FHAD1: variants seen among roughly 807,000 people sequenced by gnomAD.
The protein encoded by FHAD1 is forkhead-associated domain-containing protein 1.
Under a neutral mutation model 191.3 loss-of-function variants are expected in FHAD1, and 146 were observed. The observed-to-expected ratio is 0.76, with a 90% CI of 0.67 to 0.88. FHAD1 has a LOEUF of 0.88. Ranked by LOEUF, FHAD1 falls within the 40% of genes least tolerant of loss-of-function variation. FHAD1 has a pLI of 0.00. For missense variants in FHAD1, 1,635 were observed against 1,785.8 expected (o/e 0.92, Z 1.52); for synonymous variants, 616 against 672.3 (o/e 0.92, Z 1.29).
At position 15,312,453 on chromosome 1, in the gene FHAD1, G is replaced by A. The variant is rs1387250383; in HGVS notation, c.1040-604G>A. On this transcript the variant is annotated intron_variant, in intron 7 of 33. Transcript: ENST00000688493. This position sits in a 1 kb window ranked among gnomAD's most constrained non-coding sequence, Gnocchi z 4.7. ...AGGCTGGTGGATTGCTTCAGCCTGG[G>A]AGTTTGAGACCCGCCTGGGCAACAT... Among the ~76,000 whole-genome samples, 1 of 152,302 alleles carries A rather than the reference G, an allele frequency of 6.6e-6. No homozygotes were observed. Among genetic ancestry groups the A allele is most frequent in the East Asian group, 1.9e-4 (1 of 5,190 alleles).
At chr1:15,272,778 T>C (rs758549895) in intron 3 of FHAD1, among the ~76,000 whole-genome samples, 7 of 152,212 alleles carry the variant, frequency 4.6e-5, no homozygotes, top group Non-Finnish European at 1.0e-4. Flanking sequence ...AGAACCAGTT[T>C]TCCAAAAATG....
rs1377688609 is a variant in FHAD1 at position 15,374,577 on chromosome 1, G to T, written c.3523G>T (p.Ala1175Ser). The T allele has an allele frequency of 6.4e-7, 1 of 1,551,666 alleles. No individual in the cohort carries two copies. Among genetic ancestry groups the T allele is most frequent in the Admixed American group, 2.0e-5 (1 of 50,996 alleles). Residue 1175 changes from alanine (A) to serine (S), a missense_variant, in exon 27 of 34, where the codon GCC (alanine) becomes TCC (serine). Physicochemically the swap from Ala to Ser is moderately conservative, Grantham distance 99. Transcript: ENST00000688493. Reference protein sequence around the residue: ...HEEVIQRQKKALSELRARIKE... With the variant: ...HEEVIQRQKKSLSELRARIKE... Reference sequence around the variant, plus strand: ...GGAGGTCATTCAGCGTCAGAAAAAGGCCTTATCTGAACTTCGAGCGCGAAT... The same window carrying T: ...GGAGGTCATTCAGCGTCAGAAAAAGTCCTTATCTGAACTTCGAGCGCGAAT...
chr1:15,313,186 G>A lies in FHAD1; in HGVS notation c.1169G>A (p.Arg390Lys), dbSNP rs1191225749. The part of the protein sequence containing the change: ...KDHQLEALGS[R>K]CSVLKEELKQ... ...CACCAGCTGGAAGCCCTTGGCTCTA[G>A]AGTGAGTAAGGATGACTGCGTCACC... The change falls in exon 8 of 34, where the codon AGA becomes AAA. Residue 390 changes from arginine (R) to lysine (K), a missense_variant and splice_region_variant. Physicochemically the swap from Arg to Lys is conservative, Grantham distance 26. Coordinates refer to ENST00000688493, the MANE Select transcript of FHAD1 (RefSeq NM_001391957.1). 1 of 1,551,924 alleles carries A rather than the reference G, an allele frequency of 6.4e-7. No individual in the cohort carries two copies. Among genetic ancestry groups the A allele is most frequent in the South Asian group, 1.2e-5 (1 of 84,058 alleles).
chr1:15,273,112 G>A (rs760697069), intron 3 of FHAD1, among the ~76,000 whole-genome samples: 2 of 152,162 alleles, frequency 1.3e-5, no homozygotes, highest in East Asian at 1.9e-4. Context: ...ACAGGTTCCC[G>A]GGGCCCCTCC....
chr1:15,276,859 C>T lies in FHAD1; in HGVS notation c.300+4330C>T, dbSNP rs1372468269. 6.6e-6 allele frequency among the ~76,000 whole-genome samples: 1 copy of T among 151,914 alleles called. No individual in the cohort carries two copies. Among genetic ancestry groups the T allele is most frequent in the Admixed American group, 6.6e-5 (1 of 15,262 alleles). ...CTCCAGTCACCATTCACAGTAGAGT[C>T]CACAAAGATGGCACCCCCTGGAGTT... On this transcript the variant is annotated intron_variant, in intron 3 of 33. Transcript: ENST00000688493. The surrounding 1 kb of genome is among the most constrained non-coding windows in gnomAD (Gnocchi z 4.7).
In FHAD1 at chr1:15,327,117, G is replaced by A. The variant is rs747154881; in HGVS notation, c.1532G>A (p.Arg511Gln). 1.4e-5 allele frequency: 22 copies of A among 1,551,104 alleles called. No homozygotes were observed. Among genetic ancestry groups the A allele is most frequent in the East Asian group, 2.4e-5 (1 of 40,896 alleles). Reference sequence around the variant, plus strand: ...ACCTATGGACGGGCGAAGCCGTTCCGGGACAAGCCCGTCACCGACCAACAG... The same window carrying A: ...ACCTATGGACGGGCGAAGCCGTTCCAGGACAAGCCCGTCACCGACCAACAG... Reference protein sequence around the residue: ...KATYGRAKPFRDKPVTDQQLI... With the variant: ...KATYGRAKPFQDKPVTDQQLI... Residue 511 changes from arginine to glutamine, a missense_variant, in exon 12 of 34, where the codon CGG (arginine) becomes CAG (glutamine). Arg to Gln is a conservative substitution (Grantham distance 43). Coordinates refer to ENST00000688493, the MANE Select transcript of FHAD1 (RefSeq NM_001391957.1). This position sits in a 1 kb window ranked among gnomAD's most constrained non-coding sequence, Gnocchi z 5.1.
intron 1 of FHAD1, among the ~76,000 whole-genome samples, chr1:15,240,398 G>A (rs1287348062): frequency 6.6e-6 from 1 of 152,156 alleles, no homozygotes; most frequent in East Asian, 1.9e-4. Context: ...GTAGTCCAAG[G>A]TGGGAGGATC....
At chr1:15,240,840 C>T (rs1645266315) in intron 1 of FHAD1, among the ~76,000 whole-genome samples, 2 of 151,466 alleles carry the variant, frequency 1.3e-5, no homozygotes, top group African/African-American at 4.9e-5. Flanking sequence ...GCCTGTAGTC[C>T]CAGCTACTCG....
In FHAD1 at chr1:15,348,901, C is replaced by T. The variant is rs1164347647; in HGVS notation, c.2347-141C>T. 6.7e-6 allele frequency: 4 copies of T among 600,152 alleles called. No individual in the cohort carries two copies. In the East Asian group the frequency reaches 1.2e-4, roughly 17 times the overall value. 37.2% of individuals were successfully genotyped at this position (600,152 alleles called of 1,614,324 possible). A position where few individuals can be genotyped will look rare whatever the true frequency, so the allele number is the denominator to read the frequency against. The stretch of plus-strand genomic sequence containing the variant: ...GTTGCTGTGAGACTGAAGGGCTGGC[C>T]AGGGGCCCAGGTGTATTTAATAGCC... On this transcript the variant is annotated intron_variant, in intron 18 of 33. Transcript: ENST00000688493.
Position 15,318,823 on chromosome 1 carries a change from A to AC in FHAD1, c.1365+897dup, listed in dbSNP as rs1169550268. ...AATGGTGACCTCTTTTAGCAACATA[A>AC]CCAATTGAAGAGTTGTATAAAAGAT... On this transcript the variant is annotated intron_variant, in intron 10 of 33. Transcript: ENST00000688493. This position sits in a 1 kb window ranked among gnomAD's most constrained non-coding sequence, Gnocchi z 4.1. Among the ~76,000 whole-genome samples, 1 of 152,172 alleles carries AC rather than the reference A, an allele frequency of 6.6e-6. No homozygotes were observed. Among genetic ancestry groups the AC allele is most frequent in the African/African-American group, 2.4e-5 (1 of 41,432 alleles).
chr1:15,346,892 T>C (rs1490693429), intron 18 of FHAD1, among the ~76,000 whole-genome samples: 1 of 152,230 alleles, frequency 6.6e-6, no homozygotes. Context: ...GGGCCTGGCC[T>C]GCGGAATGAT....
intron 25 of FHAD1, among the ~76,000 whole-genome samples, chr1:15,367,907 CTCTG>C (rs1696972930): frequency 6.6e-6 from 1 of 152,186 alleles, no homozygotes; most frequent in African/African-American, 2.4e-5. Flanking sequence ...AGCCCCTGCA[CTCTG>C]TCTAACCTAC....
chr1:15,295,471 G>A (rs533639605), intron 4 of FHAD1, among the ~76,000 whole-genome samples: 7 of 152,114 alleles, frequency 4.6e-5, no homozygotes, highest in South Asian at 4.2e-4. Context: ...AGCCAAGCAC[G>A]GTAGCATGCA....
At chr1:15,296,923 A>C in intron 5 of FHAD1, 130 bp downstream of exon 5, 1 of 658,974 alleles carries the variant, frequency 1.5e-6, no homozygotes. Context: ...CTTACTCCCC[A>C]AGACATTCAA....
At chr1:15,250,083 C>T (rs1488462178) in intron 1 of FHAD1, among the ~76,000 whole-genome samples, 1 of 152,120 alleles carries the variant, frequency 6.6e-6, no homozygotes, top group Non-Finnish European at 1.5e-5. Flanking sequence ...CAGAGCCAGC[C>T]CCGAGAGTCC....
In FHAD1 at chr1:15,312,937, TG is replaced by T; in HGVS notation, c.1040-117del. On this transcript the variant is annotated intron_variant, in intron 7 of 33. Coordinates refer to ENST00000688493, the MANE Select transcript of FHAD1 (RefSeq NM_001391957.1). This position sits in a 1 kb window ranked among gnomAD's most constrained non-coding sequence, Gnocchi z 4.7. ...TTGGTCTCAACCCCATTCAAGCTCC[TG>T]GGATCCTTGGAGACACCTCCCTTCT... 1 of 1,278,248 alleles carries T rather than the reference TG, an allele frequency of 7.8e-7. No individual in the cohort carries two copies. Among genetic ancestry groups the T allele is most frequent in the Non-Finnish European group, 1.1e-6 (1 of 926,572 alleles). The allele number at this position is 1,278,248 out of a possible 1,614,324, so 79.2% of individuals were successfully genotyped here.
chr1:15,305,679 G>A, intron 6 of FHAD1: 2 of 376,502 alleles, frequency 5.3e-6, no homozygotes, highest in Non-Finnish European at 1.0e-5. Context: ...TCTCGTTATA[G>A]TGAATAAGTC....
At position 15,316,964 on chromosome 1, in the gene FHAD1, T is replaced by C. The variant is rs1002849490; in HGVS notation, c.1260+497T>C. On this transcript the variant is annotated intron_variant, in intron 9 of 33. Transcript: ENST00000688493. This position sits in a 1 kb window ranked among gnomAD's most constrained non-coding sequence, Gnocchi z 4.3. The stretch of plus-strand genomic sequence containing the variant: ...ACTTTGGGAGGCCAAGGTGGGTGGA[T>C]TGCCTGAGCTCAGAGGTTCTAGACC... 1.4e-4 allele frequency among the ~76,000 whole-genome samples: 21 copies of C among 152,186 alleles called. No homozygotes were observed. Among genetic ancestry groups the C allele is most frequent in the African/African-American group, 5.1e-4 (21 of 41,456 alleles).
At chr1:15,259,512 G>A (rs1359525693) in intron 2 of FHAD1, among the ~76,000 whole-genome samples, 3 of 152,130 alleles carry the variant, frequency 2.0e-5, no homozygotes, top group Non-Finnish European at 4.4e-5. Context: ...TGGCTTTAGG[G>A]AACATCTAAA....
Sources: allele counts gnomAD v4.1 joint callset (sites outside exome capture counted in the v4.1 genomes callset), GRCh38; gene constraint gnomAD v4.1.1; non-coding constraint Gnocchi (gnomAD v3.1); transcripts MANE v1.5; gene names NCBI Gene and HGNC (gene_info 2026-07-23, HGNC 2026-07-21).